The following KLHL12 variants were observed in gnomAD, a reference collection of about 807,000 sequenced individuals.
KLHL12 encodes kelch-like protein 12.
KLHL12 carries 17 observed loss-of-function variants against 60.8 expected under a neutral mutation model. The observed-to-expected ratio is 0.28, with a 90% CI of 0.19 to 0.42. The LOEUF is 0.42. Ranked by LOEUF, KLHL12 falls within the 10% of genes least tolerant of loss-of-function variation. The pLI, the probability that KLHL12 is intolerant of heterozygous loss-of-function variation, is 1.00. For synonymous variants in KLHL12, 220 were observed against 250.9 expected, an observed-to-expected ratio of 0.88 and a Z score of 1.16; for missense variants, 468 against 722.3, an observed-to-expected ratio of 0.65 and a Z score of 4.04.
intron 6 of KLHL12, among the ~76,000 whole-genome samples, chr1:202,905,633 T>C (rs1438087750): frequency 1.3e-5 from 2 of 152,220 alleles, no homozygotes; most frequent in Non-Finnish European, 2.9e-5. Flanking sequence ...TCAGACACTT[T>C]TGGATTTTTG....
intron 2 of KLHL12, among the ~76,000 whole-genome samples, chr1:202,922,235 A>G: frequency 6.6e-6 from 1 of 152,048 alleles, no homozygotes; most frequent in Non-Finnish European, 1.5e-5. Context: ...TCTCACAGCA[A>G]CCTGGTAAGG....
chr1:202,916,891 T>C (rs1412875472), intron 4 of KLHL12, among the ~76,000 whole-genome samples: 3 of 151,688 alleles, frequency 2.0e-5, no homozygotes, highest in African/African-American at 4.8e-5. Context: ...GGAGAGCTGC[T>C]TGAGCTCAGA....
At position 202,896,963 on chromosome 1, in the gene KLHL12, G is replaced by C; in HGVS notation, c.833-3C>G. On this transcript the variant is annotated splice_region_variant and splice_polypyrimidine_tract_variant and intron_variant, in intron 6 of 11. Coordinates refer to ENST00000367261, the MANE Select transcript of KLHL12 (RefSeq NM_021633.4). ...CACCAAAAGCACTTCATTGGCTCCT[G>C]AAGACAAAGGCAGAAAAAAGATGGG... is the stretch of plus-strand genomic sequence containing the variant. 6.2e-7 allele frequency: 1 copy of C among 1,612,898 alleles called. No homozygotes were observed. Among genetic ancestry groups the C allele is most frequent in the Non-Finnish European group, 8.5e-7 (1 of 1,178,890 alleles).
rs1338673526 is a variant in KLHL12 at position 202,911,202 on chromosome 1, A to C, written c.569T>G (p.Val190Gly). 1.2e-6 allele frequency: 2 copies of C among 1,614,020 alleles called. No homozygotes were observed. The highest frequency in any genetic ancestry group is 8.5e-7 in the Non-Finnish European group (1 of 1,179,960). Residue 190 changes from valine to glycine, a missense_variant and splice_region_variant, in exon 5 of 12, where the codon GTG (valine) becomes GGG (glycine). Around this residue, in one of 4 missense-constraint regions of KLHL12, gnomAD observed 339 missense variants for 525.0 expected, o/e 0.65. Transcript: ENST00000367261. ...CTCAAAGACTGGCTCTTCAGAATCC[A>C]CCTGTAAATGTATAATTACACACCG... is the stretch of plus-strand genomic sequence containing the variant. ...EKLIKCDEIQ[V>G]DSEEPVFEAV...
chr1:202,917,075 C>A (rs1313292049), intron 4 of KLHL12, among the ~76,000 whole-genome samples: 1 of 152,178 alleles, frequency 6.6e-6, no homozygotes, highest in Non-Finnish European at 1.5e-5. Context: ...CAATTCTCAG[C>A]CTAACTACAA....
chr1:202,900,709 C>T (rs1003872252), intron 6 of KLHL12, among the ~76,000 whole-genome samples: 3 of 151,898 alleles, frequency 2.0e-5, no homozygotes, highest in Non-Finnish European at 2.9e-5. Flanking sequence ...ACTAATAATA[C>T]AAAAATTAGC....
At position 202,918,218 on chromosome 1, in the gene KLHL12, G is replaced by C. The variant is rs1191173510; in HGVS notation, c.520C>G (p.Leu174Val). ...EVVQHEEFILLSQGEVEKLIK... is the reference protein window; with the variant it reads ...EVVQHEEFILVSQGEVEKLIK... ...AGCTTTTCCACCTCTCCTTGACTCAGAAGAATGAACTCTTCATGCTGTACC... is the reference window on the plus strand; with the variant it reads ...AGCTTTTCCACCTCTCCTTGACTCACAAGAATGAACTCTTCATGCTGTACC... The change falls in exon 4 of 12, where the codon CTG becomes GTG. Residue 174 changes from leucine (L) to valine (V), a missense_variant. Around this residue, in one of 4 missense-constraint regions of KLHL12, gnomAD observed 339 missense variants for 525.0 expected, o/e 0.65. Coordinates refer to ENST00000367261, the MANE Select transcript of KLHL12 (RefSeq NM_021633.4). 1.2e-6 allele frequency: 2 copies of C among 1,614,104 alleles called. No homozygotes were observed. Among genetic ancestry groups the C allele is most frequent in the South Asian group, 1.1e-5 (1 of 91,072 alleles).
chr1:202,897,065 T>C (rs1449258026), intron 6 of KLHL12, 105 bp from the exon 7 acceptor site: 1 of 871,998 alleles, frequency 1.1e-6, no homozygotes, highest in Non-Finnish European at 2.0e-6. Context: ...TCTTGTTTTA[T>C]GTGGCTGAGG....
chr1:202,919,864 A>G lies in KLHL12; in HGVS notation c.240T>C (p.Thr80=), dbSNP rs148619648. ...GKPYVDIQGL[T]ASTMEILLDF... ...CCAATAAAATTTCCATGGTAGAGGCAGTCAAACCTTGGATGTCAACATAAG... is the reference window on the plus strand; with the variant it reads ...CCAATAAAATTTCCATGGTAGAGGCGGTCAAACCTTGGATGTCAACATAAG... Residue 80 remains threonine, a synonymous_variant, in exon 3 of 12, where the codon ACT becomes ACC. Transcript: ENST00000367261. 6.2e-7 allele frequency: 1 copy of G among 1,613,904 alleles called. No homozygotes were observed.
At chr1:202,912,370 T>C (rs1660389420) in intron 4 of KLHL12, 4 of 792,726 alleles carry the variant, frequency 5.0e-6, no homozygotes, top group South Asian at 2.7e-5. Context: ...AAGTAAGAGA[T>C]GGCTAGTGCT....
intron 3 of KLHL12, 47 bp from the exon 4 acceptor site, chr1:202,918,435 G>A (rs902750837): frequency 1.4e-5 from 20 of 1,408,248 alleles, no homozygotes; most frequent in Non-Finnish European, 1.7e-5. Flanking sequence ...TTGGACAGGT[G>A]TGATCTAGGA....
In KLHL12 at chr1:202,894,598, G is replaced by A. The variant is rs766734100; in HGVS notation, c.1287C>T (p.Tyr429=). ...AGLVVASGVI[Y]CLGGYDGLNI... ...GCATCCCAGACTCAATACCTAGACA[G>A]TAGATCACTCCACTGGCCACTACGA... Residue 429 remains tyrosine (Y), a synonymous_variant, in exon 9 of 12, where the codon TAC becomes TAT. Coordinates refer to ENST00000367261, the MANE Select transcript of KLHL12 (RefSeq NM_021633.4). The A allele has an allele frequency of 1.2e-6, 2 of 1,614,094 alleles. No individual in the cohort carries two copies. Among genetic ancestry groups the A allele is most frequent in the South Asian group, 1.1e-5 (1 of 91,080 alleles).
At position 202,892,411 on chromosome 1, in the gene KLHL12, A is replaced by C. The variant is rs1361103357; in HGVS notation, c.*122T>G. The C allele has an allele frequency of 2.7e-6, 3 of 1,097,282 alleles. No individual in the cohort carries two copies. The African/African-American group carries it at 4.6e-5, about 17-fold the overall frequency. The allele number at this position is 1,097,282 out of a possible 1,614,324, so 68.0% of individuals were successfully genotyped here. A position where few individuals can be genotyped will look rare whatever the true frequency, so the allele number is the denominator to read the frequency against. On this transcript the variant is annotated 3_prime_UTR_variant, in exon 12 of 12. Transcript: ENST00000367261. ...GTCAAATAAGTACAATCATCACTGC[A>C]CTGGTGCCTGTAATCACCCGGTGCA...
At chr1:202,912,798 G>T (rs1660405454) in intron 4 of KLHL12, 17 of 949,826 alleles carry the variant, frequency 1.8e-5, no homozygotes, top group Non-Finnish European at 2.5e-5. Context: ...GGTTACAACA[G>T]ATTTGTGAAC....
intron 6 of KLHL12, among the ~76,000 whole-genome samples, chr1:202,899,612 G>A (rs868316426): frequency 1.6e-4 from 24 of 151,744 alleles, no homozygotes; most frequent in African/African-American, 5.3e-4. Flanking sequence ...AATTGTCTGA[G>A]GTCAGGAATT....
chr1:202,926,451 A>G (rs930443869), intron 1 of KLHL12, among the ~76,000 whole-genome samples: 1 of 150,562 alleles, frequency 6.6e-6, no homozygotes, highest in Admixed American at 6.6e-5. Context: ...AATTCCTCCA[A>G]CAACTCTGCA....
In KLHL12 at chr1:202,894,783, G is replaced by A. The variant is rs369147094; in HGVS notation, c.1136-34C>T. 2.4e-5 allele frequency: 37 copies of A among 1,556,844 alleles called. No individual in the cohort carries two copies. The Middle Eastern group carries it at 5.1e-4, about 21-fold the overall frequency. ...AATAAACAAATTACAGACTATTAGA[G>A]AATGAGAGATTTCTAAGAACTCTTT... On this transcript the variant is annotated intron_variant, in intron 8 of 11. Transcript: ENST00000367261.
Position 202,925,977 on chromosome 1 carries a change from C to T in KLHL12, c.-45-770G>A, listed in dbSNP as rs1174308009. Among the ~76,000 whole-genome samples the T allele has an allele frequency of 4.5e-4, 69 of 151,742 alleles. 2 individuals carry two copies. Among genetic ancestry groups the T allele is most frequent in the Admixed American group, 4.5e-3 (69 of 15,232 alleles). On this transcript the variant is annotated intron_variant, in intron 1 of 11. Transcript: ENST00000367261. ...AAAAATAGCCAGGCGTGGTGATGCG[C>T]GCCTATAATCCTAGCTACCAAGAAG...
chr1:202,915,919 G>A (rs372193695), intron 4 of KLHL12, among the ~76,000 whole-genome samples: 1 of 152,332 alleles, frequency 6.6e-6, no homozygotes, highest in South Asian at 2.1e-4. Flanking sequence ...CACAGTAAGT[G>A]TTCAACAAGT....
Sources: allele counts gnomAD v4.1 joint callset (sites outside exome capture counted in the v4.1 genomes callset), GRCh38; gene constraint gnomAD v4.1.1; regional missense constraint gnomAD v4.1.1; transcripts MANE v1.5; gene names NCBI Gene and HGNC (gene_info 2026-07-23, HGNC 2026-07-21).